The following TSPAN5 variants were observed in gnomAD, a reference collection of about 807,000 sequenced individuals.
The protein encoded by TSPAN5 is tetraspanin 5.
TSPAN5 carries 10 observed loss-of-function variants against 37.1 expected under a neutral mutation model. That is an observed-to-expected ratio of 0.27 (90% CI 0.17 to 0.46). TSPAN5 has a LOEUF of 0.46. TSPAN5 is among the 20% of genes least tolerant of loss of function. TSPAN5 has a pLI of 1.00. For synonymous variants in TSPAN5, 110 were observed against 118.9 expected, an observed-to-expected ratio of 0.93 and a Z score of 0.48; for missense variants, 195 against 326.6, an observed-to-expected ratio of 0.60 and a Z score of 3.11.
At chr4:98,622,215 G>A (rs1029019389) in intron 1 of TSPAN5, among the ~76,000 whole-genome samples, 1 of 152,160 alleles carries the variant, frequency 6.6e-6, no homozygotes, top group Non-Finnish European at 1.5e-5. Flanking sequence ...AAGTAGCTGG[G>A]ATTACAGGTG....
At chr4:98,579,822 A>G (rs1755329185) in intron 1 of TSPAN5, among the ~76,000 whole-genome samples, 2 of 152,364 alleles carry the variant, frequency 1.3e-5, no homozygotes, top group Admixed American at 1.3e-4. Flanking sequence ...AATGTGAAAG[A>G]GACAAAAGAC....
At position 98,532,872 on chromosome 4, in the gene TSPAN5, C is replaced by T. The variant is rs572772982; in HGVS notation, c.82-25144G>A. Reference sequence around the variant, plus strand: ...TATTTTGAGATATGTTCCATTGATACCTAGTTTATTGAGTTTTTAGCATGA... The same window carrying T: ...TATTTTGAGATATGTTCCATTGATATCTAGTTTATTGAGTTTTTAGCATGA... On this transcript the variant is annotated intron_variant, in intron 1 of 7. Coordinates refer to ENST00000305798, the MANE Select transcript of TSPAN5 (RefSeq NM_005723.4). Among the ~76,000 whole-genome samples, 43 of 152,174 alleles carry T rather than the reference C, an allele frequency of 2.8e-4. 1 individual carries two copies. Among genetic ancestry groups the T allele is most frequent in the African/African-American group, 9.2e-4 (38 of 41,512 alleles).
intron 2 of TSPAN5, among the ~76,000 whole-genome samples, chr4:98,490,372 T>C (rs1053389298): frequency 6.6e-6 from 1 of 152,202 alleles, no homozygotes. Context: ...TGGGTTTAAT[T>C]TGGAGGATAA....
intron 2 of TSPAN5, among the ~76,000 whole-genome samples, chr4:98,502,227 C>G (rs907745044): frequency 1.3e-5 from 2 of 152,124 alleles, no homozygotes; most frequent in African/African-American, 4.8e-5. Context: ...AGTGTGGATG[C>G]TGGCTATGCA....
intron 1 of TSPAN5, among the ~76,000 whole-genome samples, chr4:98,616,843 C>T (rs554086820): frequency 1.3e-5 from 2 of 150,964 alleles, no homozygotes; most frequent in Non-Finnish European, 2.9e-5. Flanking sequence ...TTCTTGAATA[C>T]TAGATATTGA....
intron 2 of TSPAN5, among the ~76,000 whole-genome samples, chr4:98,501,642 C>T (rs980430075): frequency 6.6e-6 from 1 of 152,118 alleles, no homozygotes; most frequent in African/African-American, 2.4e-5. Context: ...GGGGCAAGTG[C>T]AAAGGCCCTG....
chr4:98,598,101 T>C (rs1755790335), intron 1 of TSPAN5, among the ~76,000 whole-genome samples: 1 of 102,278 alleles, frequency 9.8e-6, no homozygotes. Flanking sequence ...TTCGTGGGCG[T>C]AGGACCCTCT....
At chr4:98,491,276 A>G (rs958549031) in intron 2 of TSPAN5, among the ~76,000 whole-genome samples, 3 of 152,218 alleles carry the variant, frequency 2.0e-5, no homozygotes, top group Non-Finnish European at 2.9e-5. Context: ...CAAGAAGTGA[A>G]TGTGGAAGTC....
intron 1 of TSPAN5, among the ~76,000 whole-genome samples, chr4:98,608,173 TTCTAGACTACA>T (rs1756085757): frequency 6.6e-6 from 1 of 152,184 alleles, no homozygotes; most frequent in Non-Finnish European, 1.5e-5. Flanking sequence ...ATTCACAGGA[TTCTAGACTACA>T]TCAGGCAGAC....
intron 1 of TSPAN5, among the ~76,000 whole-genome samples, chr4:98,581,128 G>T (rs891161365): frequency 2.0e-5 from 3 of 152,158 alleles, no homozygotes; most frequent in Non-Finnish European, 4.4e-5. Flanking sequence ...GTACTCATTT[G>T]GGGGAATCCC....
chr4:98,588,277 G>A (rs1449402871), intron 1 of TSPAN5, among the ~76,000 whole-genome samples: 6 of 151,988 alleles, frequency 3.9e-5, no homozygotes, highest in South Asian at 2.1e-4. Context: ...CAAGTGTGCC[G>A]ATGTCACATG....
At chr4:98,494,849 C>T (rs575277866) in intron 2 of TSPAN5, among the ~76,000 whole-genome samples, 1 of 152,048 alleles carries the variant, frequency 6.6e-6, no homozygotes, top group South Asian at 2.1e-4. Context: ...CAGTCACTAA[C>T]TTGTTAATAA....
rs567168079 is a variant in TSPAN5, at chr4:98,571,244, C to T, written c.82-63516G>A. The stretch of plus-strand genomic sequence containing the variant: ...GAGGGGACACACATCACATAAAGGG[C>T]GGTGTGAAGAACCGCGTGGACCCTG... On this transcript the variant is annotated intron_variant, in intron 1 of 7. Coordinates refer to ENST00000305798, the MANE Select transcript of TSPAN5 (RefSeq NM_005723.4). 1.1e-4 allele frequency among the ~76,000 whole-genome samples: 16 copies of T among 152,032 alleles called. No homozygotes were observed. The South Asian group carries it at 2.9e-3, about 28-fold the overall frequency.
intron 1 of TSPAN5, among the ~76,000 whole-genome samples, chr4:98,640,236 A>C (rs1756935584): frequency 6.6e-6 from 1 of 152,210 alleles, no homozygotes; most frequent in South Asian, 2.1e-4. Flanking sequence ...AAACATGCCT[A>C]TTTTTACACA....
At chr4:98,618,898 CG>C (rs1298890825) in intron 1 of TSPAN5, among the ~76,000 whole-genome samples, 1 of 152,112 alleles carries the variant, frequency 6.6e-6, no homozygotes, top group Non-Finnish European at 1.5e-5. Flanking sequence ...GTGCAGAAGC[CG>C]GGGGACAAGT....
intron 1 of TSPAN5, among the ~76,000 whole-genome samples, chr4:98,560,685 C>CA (rs1415774960): frequency 6.6e-6 from 1 of 152,190 alleles, no homozygotes; most frequent in Non-Finnish European, 1.5e-5. Context: ...ATGAGCAAAA[C>CA]AAATGCTGTG....
intron 1 of TSPAN5, among the ~76,000 whole-genome samples, chr4:98,516,880 C>T (rs1364838933): frequency 6.6e-6 from 1 of 152,170 alleles, no homozygotes; most frequent in Non-Finnish European, 1.5e-5. Context: ...GTCTGTCTCC[C>T]CTTTGTGCAT....
intron 1 of TSPAN5, among the ~76,000 whole-genome samples, chr4:98,556,807 G>T (rs1754761001): frequency 6.6e-6 from 1 of 152,032 alleles, no homozygotes; most frequent in South Asian, 2.1e-4. Flanking sequence ...TACTGGGCTG[G>T]GTCTTTTGAA....
chr4:98,634,425 T>C (rs1246893809), intron 1 of TSPAN5, among the ~76,000 whole-genome samples: 1 of 151,942 alleles, frequency 6.6e-6, no homozygotes, highest in Non-Finnish European at 1.5e-5. Context: ...CCAAATTTTC[T>C]AGAAAAATTT....
Sources: allele counts gnomAD v4.1 joint callset (sites outside exome capture counted in the v4.1 genomes callset), GRCh38; gene constraint gnomAD v4.1.1; transcripts MANE v1.5; gene names NCBI Gene and HGNC (gene_info 2026-07-23, HGNC 2026-07-21).